PPP2R1B: variants seen among roughly 807,000 people sequenced by gnomAD.
PPP2R1B encodes serine/threonine-protein phosphatase 2A 65 kDa regulatory subunit A beta isoform.
A neutral mutation model predicts 72.7 loss-of-function variants in PPP2R1B; 58 were observed. The ratio of observed to expected loss-of-function variants is 0.80; its 90% CI spans 0.65 to 0.99. The LOEUF (loss-of-function observed/expected upper bound fraction) is 0.99. Among genes scored for constraint, PPP2R1B ranks in the 50% least tolerant of loss-of-function variants. PPP2R1B has a pLI of 0.00. For synonymous variants in PPP2R1B, 256 were observed against 264.6 expected (o/e 0.97, Z 0.32); for missense variants, 695 against 733.6 (o/e 0.95, Z 0.61).
At chr11:111,713,376 G>C in the PPP2R1B span, among the ~76,000 whole-genome samples, 22 of 152,244 alleles carry the variant, frequency 1.4e-4, no homozygotes, top group South Asian at 4.4e-3. Flanking sequence ...GTTCAAAATA[G>C]ACCTCCTCTT....
intron 9 of PPP2R1B, 85 bp downstream of exon 9, chr11:111,753,358 G>C (rs1191323202): frequency 6.8e-7 from 1 of 1,476,786 alleles, no homozygotes; most frequent in Non-Finnish European, 9.2e-7. Flanking sequence ...TTCTTTTTGG[G>C]GGTTCTATTT....
At chr11:111,736,617 A>G (rs142667665), downstream of PPP2R1B, among the ~76,000 whole-genome samples, 453 of 152,312 alleles carry the variant, frequency 3.0e-3, 4 homozygotes, top group African/African-American at 0.01. Context: ...GCAGCCCCTC[A>G]GGAAGGCAAG....
intron 15 of PPP2R1B, chr11:111,729,272 C>CAA (rs1006687312): frequency 1.3e-5 from 2 of 152,306 alleles, no homozygotes; most frequent in Non-Finnish European, 2.9e-5. Flanking sequence ...CACTGGGGCA[C>CAA]AGATAGAGAA....
chr11:111,755,590 C>CTTTTTTTTTTTTTTTTTT (rs1167247279), intron 5 of PPP2R1B, 140 bp from the exon 6 acceptor site: 1 of 421,824 alleles, frequency 2.4e-6, no homozygotes, highest in African/African-American at 2.4e-5. Flanking sequence ...ACATCTTTTT[C>CTTTTTTTTTTTTTTTTTT]TTTTTTTTTT....
downstream of PPP2R1B, chr11:111,722,679 G>C: frequency 6.2e-7 from 1 of 1,614,022 alleles, no homozygotes. This position sits in a 1 kb window ranked among gnomAD's most constrained non-coding sequence, Gnocchi z 4.4. Flanking sequence ...CCAGCCTTCT[G>C]TCAAAGGCCC....
chr11:111,733,030 G>A (rs1186164606), downstream of PPP2R1B, among the ~76,000 whole-genome samples: 1 of 152,158 alleles, frequency 6.6e-6, no homozygotes, highest in African/African-American at 2.4e-5. Flanking sequence ...TGAGGCGAAG[G>A]GGCTGGGCCC....
At chr11:111,762,664 G>A (rs1472891949) in intron 3 of PPP2R1B, among the ~76,000 whole-genome samples, 2 of 151,378 alleles carry the variant, frequency 1.3e-5, no homozygotes, top group East Asian at 3.9e-4. Context: ...TTCTGCCTCA[G>A]CGTCCCGAAT....
intron 3 of PPP2R1B, among the ~76,000 whole-genome samples, chr11:111,762,067 T>C (rs1945348902): frequency 6.6e-6 from 1 of 152,162 alleles, no homozygotes. Context: ...AGTAACTGAA[T>C]ATGGCATGGC....
At chr11:111,741,668 A>G (rs1285522606) in intron 14 of PPP2R1B, 56 bp from the exon 15 acceptor site, 11 of 1,558,888 alleles carry the variant, frequency 7.1e-6, no homozygotes, top group South Asian at 1.1e-5. Flanking sequence ...CGAACGATCT[A>G]TGTGAATATT....
At chr11:111,725,248 A>G (rs1389069688), downstream of PPP2R1B, 1 of 152,648 alleles carries the variant, frequency 6.6e-6, no homozygotes, top group Non-Finnish European at 1.5e-5. Context: ...GCTAAATCCA[A>G]AGTCACTTCA....
chr11:111,746,895 A>ATTTTCACATATT (rs1944723432), intron 11 of PPP2R1B, among the ~76,000 whole-genome samples: 1 of 152,196 alleles, frequency 6.6e-6, no homozygotes, highest in Non-Finnish European at 1.5e-5. Context: ...GCCCTTATAC[A>ATTTTCACATATT]TTTTCACATA....
chr11:111,712,646 CTCTT>C, the PPP2R1B span, among the ~76,000 whole-genome samples: 1 of 152,206 alleles, frequency 6.6e-6, no homozygotes, highest in Non-Finnish European at 1.5e-5. Flanking sequence ...AATTCCTTCT[CTCTT>C]CAAGTTTCCA....
chr11:111,707,950 T>C, the PPP2R1B span, among the ~76,000 whole-genome samples: 6 of 152,166 alleles, frequency 3.9e-5, no homozygotes, highest in Non-Finnish European at 7.3e-5. Context: ...GCTACCAAGA[T>C]ACAGTTAGTT....
chr11:111,748,556 C>A (rs937186161), intron 10 of PPP2R1B, among the ~76,000 whole-genome samples: 21 of 152,226 alleles, frequency 1.4e-4, no homozygotes, highest in Admixed American at 2.6e-4. Context: ...ATGGCCCAGG[C>A]ATGGCTTGCT....
At chr11:111,712,387 T>C in the PPP2R1B span, 158 of 1,609,036 alleles carry the variant, frequency 9.8e-5, no homozygotes, top group Non-Finnish European at 1.3e-4. Flanking sequence ...TACGGCTATG[T>C]TTGAGAGTCT....
Position 111,753,478 on chromosome 11 carries a change from G to A in PPP2R1B, c.1129C>T (p.Leu377Phe). The change falls in exon 9 of 15, where the codon CTT becomes TTT. Residue 377 changes from leucine to phenylalanine, a missense_variant. Leu to Phe is a conservative substitution (Grantham distance 22). Transcript: ENST00000527614. ...AACTGAGCTAAGAAAAGAGGTAGAA[G>A]ATGTTCAATGGTATTTTCTTTGCCC... ...ILGKENTIEHLLPLFLAQLKD... is the reference protein window; with the variant it reads ...ILGKENTIEHFLPLFLAQLKD... The A allele has an allele frequency of 6.2e-7, 1 of 1,613,746 alleles. No individual in the cohort carries two copies. Among genetic ancestry groups the A allele is most frequent in the Non-Finnish European group, 8.5e-7 (1 of 1,179,848 alleles).
the PPP2R1B span, among the ~76,000 whole-genome samples, chr11:111,689,644 T>C: frequency 6.6e-6 from 1 of 152,186 alleles, no homozygotes; most frequent in African/African-American, 2.4e-5. Context: ...AAATTATTAA[T>C]TGACCTGTTA....
the PPP2R1B span, among the ~76,000 whole-genome samples, chr11:111,707,873 T>TG: frequency 1.3e-5 from 2 of 152,164 alleles, no homozygotes; most frequent in Non-Finnish European, 2.9e-5. Context: ...TTCGGGCAAG[T>TG]CAGCGTCTCT....
In PPP2R1B at chr11:111,737,956, C is replaced by G; in HGVS notation, c.*3640G>C. The G allele has an allele frequency of 1.9e-6, 2 of 1,027,872 alleles. No individual in the cohort carries two copies. Among genetic ancestry groups the G allele is most frequent in the Non-Finnish European group, 2.3e-6 (2 of 854,592 alleles). The allele number at this position is 1,027,872 out of a possible 1,614,324, so 63.7% of individuals were successfully genotyped here. ...CTTTCCGACGCAATGAGTAATTAAA[C>G]TCTATTCGTCCTCCGGAAGATTTCC... On this transcript the variant is annotated 3_prime_UTR_variant, in exon 15 of 15. Transcript: ENST00000527614.
Sources: gnomAD v4.1 joint callset for allele counts (sites outside exome capture counted in the v4.1 genomes callset) on GRCh38, gnomAD v4.1.1 for gene constraint, Gnocchi (gnomAD v3.1) non-coding constraint, MANE v1.5 for transcripts, NCBI Gene and HGNC (gene_info 2026-07-23, HGNC 2026-07-21) for gene names.